The following TCF12 variants were observed in gnomAD, a reference collection of about 807,000 sequenced individuals.
TCF12 encodes transcription factor 12, also known as DNA-binding protein HTF4.
A neutral mutation model predicts 86.0 loss-of-function variants in TCF12; 45 were observed. The observed-to-expected ratio is 0.52, with a 90% CI of 0.41 to 0.67. The LOEUF is 0.67. TCF12 is among the 30% of genes least tolerant of loss of function. TCF12 has a pLI of 0.00. For synonymous variants in TCF12, 330 were observed against 299.6 expected (o/e 1.10, Z -1.05); for missense variants, 881 against 859.9 (o/e 1.02, Z -0.31).
intron 5 of TCF12, chr15:57,129,644 A>T (rs1227304317): frequency 2.6e-5 from 4 of 152,182 alleles, no homozygotes; most frequent in African/African-American, 9.7e-5. Flanking sequence ...TAATTTCTGA[A>T]ATGGAGATAG....
intron 5 of TCF12, among the ~76,000 whole-genome samples, chr15:57,104,445 T>TTC (rs2049988409): frequency 6.9e-6 from 1 of 145,316 alleles, no homozygotes; most frequent in Admixed American, 7.0e-5. Context: ...CTTTTTTTTT[T>TTC]TTTTTTTTTT....
At chr15:57,283,130 A>G (rs1248538606) in intron 20 of TCF12, among the ~76,000 whole-genome samples, 8 of 152,296 alleles carry the variant, frequency 5.3e-5, no homozygotes, top group South Asian at 2.1e-4. Flanking sequence ...TCTAGAATCT[A>G]TTAATGAATG....
chr15:56,966,151 T>C (rs751861403), intron 3 of TCF12, among the ~76,000 whole-genome samples: 1 of 152,230 alleles, frequency 6.6e-6, no homozygotes, highest in African/African-American at 2.4e-5. Context: ...TTTGTTTCCT[T>C]ATTAACTATA....
chr15:57,200,077 T>C (rs1344210148), intron 8 of TCF12, among the ~76,000 whole-genome samples: 2 of 121,404 alleles, frequency 1.6e-5, no homozygotes, highest in African/African-American at 6.5e-5. Context: ...GACGAGGAGG[T>C]CTCTGTCCAG....
At chr15:56,932,598 TGGCTCTGTCGCCCAGGCTGGAGTGC>T (rs1423215021) in intron 3 of TCF12, among the ~76,000 whole-genome samples, 21 of 152,254 alleles carry the variant, frequency 1.4e-4, no homozygotes, top group African/African-American at 4.8e-4. Context: ...AGACAGAGTG[TGGCTCTGTCGCCCAGGCTGGAGTGC>T]AATGGTGCAA....
At chr15:57,094,503 C>A (rs975571633) in intron 5 of TCF12, among the ~76,000 whole-genome samples, 1 of 152,160 alleles carries the variant, frequency 6.6e-6, no homozygotes, top group Non-Finnish European at 1.5e-5. Context: ...TGAACTGACA[C>A]CCAAACGTGG....
At chr15:57,257,650 G>A (rs1338174577) in intron 16 of TCF12, among the ~76,000 whole-genome samples, 2 of 106,900 alleles carry the variant, frequency 1.9e-5, no homozygotes, top group Admixed American at 1.1e-4. Context: ...AACAGAGTGA[G>A]ACCCTGTCTC....
At chr15:56,967,044 C>CCT (rs1201529090) in intron 3 of TCF12, among the ~76,000 whole-genome samples, 3 of 152,068 alleles carry the variant, frequency 2.0e-5, no homozygotes, top group African/African-American at 7.2e-5. Flanking sequence ...ATCGCTTCAA[C>CCT]CTGGGAGGCA....
At chr15:56,937,400 C>A (rs1313753982) in intron 3 of TCF12, among the ~76,000 whole-genome samples, 1 of 151,170 alleles carries the variant, frequency 6.6e-6, no homozygotes, top group Admixed American at 6.6e-5. Flanking sequence ...TCTGTCTCCT[C>A]GGTTGGAGTG....
At chr15:56,940,492 TCC>T (rs2060689111) in intron 3 of TCF12, among the ~76,000 whole-genome samples, 5 of 101,924 alleles carry the variant, frequency 4.9e-5, no homozygotes, top group South Asian at 6.5e-4. Flanking sequence ...CTCCTCCTCC[TCC>T]TCCTCCTTCT....
intron 13 of TCF12, chr15:57,248,020 T>C (rs1180219555): frequency 1.3e-5 from 9 of 708,208 alleles, no homozygotes; most frequent in African/African-American, 5.2e-5. Context: ...ACGGCTGCAG[T>C]TGGGCAGCGG....
chr15:57,143,620 C>G (rs1445033583), intron 5 of TCF12, among the ~76,000 whole-genome samples: 1 of 152,082 alleles, frequency 6.6e-6, no homozygotes, highest in East Asian at 1.9e-4. Flanking sequence ...GACTGGGGCC[C>G]TGTACATTTG....
intron 4 of TCF12, among the ~76,000 whole-genome samples, chr15:57,071,152 A>G (rs568914768): frequency 1.9e-3 from 296 of 152,124 alleles, no homozygotes; most frequent in African/African-American, 6.9e-3. Context: ...CACACCTGTA[A>G]ACCCAGTACG....
At position 57,023,067 on chromosome 15, in the gene TCF12, G is replaced by A. The variant is rs141792288; in HGVS notation, c.149-40683G>A. On this transcript the variant is annotated intron_variant, in intron 3 of 20. Coordinates refer to ENST00000333725, the MANE Select transcript of TCF12 (RefSeq NM_207037.2). ...TAAGAGACATTAAATGTCATAATTT[G>A]CTGTTCAGGAATTTTAAATTTTTGT... Among the ~76,000 whole-genome samples the A allele has an allele frequency of 4.4e-3, 667 of 152,202 alleles. 8 individuals carry two copies. Among genetic ancestry groups the A allele is most frequent in the Admixed American group, 0.021 (323 of 15,260 alleles).
intron 8 of TCF12, among the ~76,000 whole-genome samples, chr15:57,220,086 A>T (rs72733928): frequency 0.048 from 7,270 of 152,232 alleles, 223 homozygotes; most frequent in Middle Eastern, 0.12. Flanking sequence ...ATAGCTACTC[A>T]ATAGTTGTTG....
chr15:57,125,831 A>G (rs2051604601), intron 5 of TCF12, among the ~76,000 whole-genome samples: 1 of 152,236 alleles, frequency 6.6e-6, no homozygotes, highest in Non-Finnish European at 1.5e-5. Flanking sequence ...TTCTTCACAT[A>G]TAGAAAACTA....
At chr15:56,976,784 A>C (rs2062628548) in intron 3 of TCF12, among the ~76,000 whole-genome samples, 1 of 152,138 alleles carries the variant, frequency 6.6e-6, no homozygotes, top group Non-Finnish European at 1.5e-5. Context: ...CTGAAGATGA[A>C]AATAGTAAAG....
In TCF12 at chr15:57,204,718, A is replaced by G. The variant is rs572045405; in HGVS notation, c.579+6893A>G. ...CATACTAAGTAGAATAAGAATATTC[A>G]AAAGAAAAAAATACTAAATCCTGAG... On this transcript the variant is annotated intron_variant, in intron 8 of 20. Transcript: ENST00000333725. 6.2e-4 allele frequency among the ~76,000 whole-genome samples: 94 copies of G among 152,086 alleles called. 1 individual carries two copies. Among genetic ancestry groups the G allele is most frequent in the Non-Finnish European group, 1.1e-3 (76 of 68,012 alleles).
chr15:57,008,280 T>TG (rs1470931727), intron 3 of TCF12, among the ~76,000 whole-genome samples: 2 of 151,998 alleles, frequency 1.3e-5, no homozygotes, highest in African/African-American at 2.4e-5. Flanking sequence ...TGGCTGTGTG[T>TG]TTTTTTGGAT....
Sources: allele counts gnomAD v4.1 joint callset (sites outside exome capture counted in the v4.1 genomes callset), GRCh38; gene constraint gnomAD v4.1.1; transcripts MANE v1.5; gene names NCBI Gene and HGNC (gene_info 2026-07-23, HGNC 2026-07-21).